Variants in C16orf74 observed in about 807,000 individuals in gnomAD.
C16orf74 encodes the protein calcimembrin, also known as uncharacterized protein C16orf74.
In C16orf74, 10 loss-of-function variants were observed where a neutral mutation model predicts 6.5. The ratio of observed to expected loss-of-function variants is 1.54; its 90% CI spans 0.95 to 2.61. The LOEUF is 2.61. C16orf74 is among the 30% of genes most tolerant of loss of function. The pLI is 0.00. For synonymous variants in C16orf74, 60 were observed against 42.5 expected (o/e 1.41, Z -1.60); for missense variants, 141 against 105.9 (o/e 1.33, Z -1.45).
chr16:85,714,400 TATTATTTA>T (rs1567802577), intron 2 of C16orf74, among the ~76,000 whole-genome samples: 1 of 32,120 alleles, frequency 3.1e-5, no homozygotes, highest in African/African-American at 1.1e-4. Flanking sequence ...TTTATTTATT[TATTATTTA>T]TTTATTTATT....
At position 85,736,403 on chromosome 16, in the gene C16orf74, T is replaced by C. The variant is rs1259617167; in HGVS notation, c.-18-1168A>G. On this transcript the variant is annotated intron_variant, in intron 1 of 3. Transcript: ENST00000284245. ...AGGCGCACAAGGCCCCAGGGATTCC[T>C]GTGCCTGCTGAGGTCAGAGATGCTT... Among the ~76,000 whole-genome samples the C allele has an allele frequency of 6.6e-5, 10 of 152,236 alleles. No individual in the cohort carries two copies. In the East Asian group the frequency reaches 1.7e-3, roughly 26 times the overall value.
At chr16:85,709,518 T>TATTATC (rs2053946426) in intron 3 of C16orf74, among the ~76,000 whole-genome samples, 1 of 150,950 alleles carries the variant, frequency 6.6e-6, no homozygotes, top group Non-Finnish European at 1.5e-5. Context: ...TTATTATTAT[T>TATTATC]ATTATTATTA....
At chr16:85,727,964 C>CAAAA (rs59377902) in intron 2 of C16orf74, among the ~76,000 whole-genome samples, 43 of 75,690 alleles carry the variant, frequency 5.7e-4, no homozygotes, top group African/African-American at 1.4e-3. Flanking sequence ...CCCTTCTCTA[C>CAAAA]AAAAAAAAAA....
intron 2 of C16orf74, among the ~76,000 whole-genome samples, chr16:85,721,977 C>A (rs937316285): frequency 2.5e-4 from 30 of 121,412 alleles, no homozygotes; most frequent in Non-Finnish European, 4.1e-4. Context: ...GAGATTCTAA[C>A]CTTTTTTTTT....
chr16:85,748,018 A>G (rs2054392447), intron 1 of C16orf74, among the ~76,000 whole-genome samples: 1 of 151,958 alleles, frequency 6.6e-6, no homozygotes, highest in Non-Finnish European at 1.5e-5. Flanking sequence ...CCTAGGAGGT[A>G]GAGGTTGCAG....
intron 2 of C16orf74, among the ~76,000 whole-genome samples, chr16:85,716,278 G>GGAGGGAAGGAGGA (rs979017789): frequency 5.3e-5 from 8 of 150,400 alleles, no homozygotes. Context: ...AGGAGAGAAC[G>GGAGGGAAGGAGGA]GAGGGAAGGA....
intron 1 of C16orf74, among the ~76,000 whole-genome samples, chr16:85,746,780 G>A (rs1048872822): frequency 2.6e-5 from 4 of 152,208 alleles, no homozygotes; most frequent in Non-Finnish European, 5.9e-5. Flanking sequence ...AAGAGAGTGC[G>A]GGCAAGCGGG....
At chr16:85,716,625 GA>G (rs1358492365) in intron 2 of C16orf74, among the ~76,000 whole-genome samples, 2 of 148,762 alleles carry the variant, frequency 1.3e-5, no homozygotes, top group African/African-American at 5.0e-5. Flanking sequence ...AAGAGGAAGA[GA>G]GGAGGAGGAG....
chr16:85,721,892 C>G (rs2054086646), intron 2 of C16orf74, among the ~76,000 whole-genome samples: 1 of 152,172 alleles, frequency 6.6e-6, no homozygotes, highest in South Asian at 2.1e-4. Context: ...GTTTCTTACC[C>G]TCTCTGTCAC....
intron 1 of C16orf74, chr16:85,741,810 G>A (rs1334363693): frequency 6.0e-6 from 1 of 165,400 alleles, no homozygotes; most frequent in Non-Finnish European, 1.5e-5. Context: ...CTGCCAAACA[G>A]GCATTGAGCC....
At chr16:85,750,781 G>C (rs1268992039) in intron 1 of C16orf74, 145 bp downstream of exon 1, 1 of 152,066 alleles carries the variant, frequency 6.6e-6, no homozygotes, top group Non-Finnish European at 1.5e-5. Flanking sequence ...CCGGGCCCGC[G>C]TGGGTCTCCC....
At chr16:85,736,164 A>G (rs962901367) in intron 1 of C16orf74, among the ~76,000 whole-genome samples, 1 of 152,132 alleles carries the variant, frequency 6.6e-6, no homozygotes, top group Non-Finnish European at 1.5e-5. Context: ...GGTGGGGAGA[A>G]GCCGAAGATG....
chr16:85,739,501 C>T (rs1465903652), intron 1 of C16orf74, among the ~76,000 whole-genome samples: 1 of 152,156 alleles, frequency 6.6e-6, no homozygotes, highest in African/African-American at 2.4e-5. Flanking sequence ...CTGTGGGGCA[C>T]AGGGAGGCGT....
chr16:85,735,619 G>A (rs1037870767), intron 1 of C16orf74, among the ~76,000 whole-genome samples: 4 of 152,028 alleles, frequency 2.6e-5, no homozygotes, highest in African/African-American at 9.7e-5. Context: ...GAGATGTGAA[G>A]ACCTGCCAGC....
chr16:85,716,156 T>C (rs2054021392), intron 2 of C16orf74, among the ~76,000 whole-genome samples: 1 of 152,082 alleles, frequency 6.6e-6, no homozygotes, highest in South Asian at 2.1e-4. Context: ...TAACGTGGTC[T>C]GGAGCTTGAG....
chr16:85,719,088 G>A lies in C16orf74; in HGVS notation c.29-8781C>T, dbSNP rs114774077. 5.7e-3 allele frequency among the ~76,000 whole-genome samples: 870 copies of A among 152,322 alleles called. 7 individuals are homozygous for A. The highest frequency in any genetic ancestry group is 0.02 in the African/African-American group (837 of 41,560). ...GCTTCCTGCTGTGACACTGCCTCTCGGCCTGGGCTTTCTCACCTGCAGAGC... is the reference window on the plus strand; with the variant it reads ...GCTTCCTGCTGTGACACTGCCTCTCAGCCTGGGCTTTCTCACCTGCAGAGC... On this transcript the variant is annotated intron_variant, in intron 2 of 3. Coordinates refer to ENST00000284245, the MANE Select transcript of C16orf74 (RefSeq NM_206967.3).
chr16:85,749,733 G>A (rs1213671786), intron 1 of C16orf74, among the ~76,000 whole-genome samples: 1 of 152,362 alleles, frequency 6.6e-6, no homozygotes, highest in East Asian at 1.9e-4. Flanking sequence ...CTGACGGCAC[G>A]CTCCCATTTC....
At chr16:85,736,292 C>A (rs1163945831) in intron 1 of C16orf74, among the ~76,000 whole-genome samples, 2 of 152,092 alleles carry the variant, frequency 1.3e-5, no homozygotes, top group African/African-American at 4.8e-5. Context: ...AGACCCCAGG[C>A]CTGGCCCTCA....
At chr16:85,747,545 G>A (rs2054387895) in intron 1 of C16orf74, among the ~76,000 whole-genome samples, 4 of 152,068 alleles carry the variant, frequency 2.6e-5, no homozygotes, top group Admixed American at 2.0e-4. Context: ...TTCTGGGGGT[G>A]TCCTGGGGGG....
Sources: allele counts gnomAD v4.1 joint callset (sites outside exome capture counted in the v4.1 genomes callset), GRCh38; gene constraint gnomAD v4.1.1; transcripts MANE v1.5; gene names NCBI Gene and HGNC (gene_info 2026-07-23, HGNC 2026-07-21).